The following DSCAM variants were observed in gnomAD, a reference collection of about 807,000 sequenced individuals.
The protein encoded by DSCAM is DS cell adhesion molecule, also known as cell adhesion molecule DSCAM.
Under a neutral mutation model 217.7 loss-of-function variants are expected in DSCAM, and 47 were observed. That is an observed-to-expected ratio of 0.22 (90% confidence interval 0.17 to 0.28). The LOEUF is 0.28. DSCAM is among the 10% of genes least tolerant of loss of function. The pLI, the probability that DSCAM is intolerant of heterozygous loss-of-function variation, is 1.00. For missense variants in DSCAM, 2,080 were observed against 2,618.3 expected, an observed-to-expected ratio of 0.79 and a Z score of 4.49; for synonymous variants, 1,056 against 1,015.3, an observed-to-expected ratio of 1.04 and a Z score of -0.76.
At chr21:40,476,376 G>T (rs992791092) in intron 3 of DSCAM, among the ~76,000 whole-genome samples, 1 of 152,166 alleles carries the variant, frequency 6.6e-6, no homozygotes, top group Non-Finnish European at 1.5e-5. Context: ...CCATTGAGTT[G>T]TTATAAGGCT....
intron 11 of DSCAM, among the ~76,000 whole-genome samples, chr21:40,272,174 C>T (rs1039153989): frequency 3.3e-5 from 5 of 151,844 alleles, no homozygotes; most frequent in African/African-American, 1.2e-4. Context: ...AGCCCCCGAT[C>T]GGCCTGGAGC....
intron 1 of DSCAM, among the ~76,000 whole-genome samples, chr21:40,734,901 G>A (rs1183253304): frequency 6.6e-6 from 1 of 152,202 alleles, no homozygotes; most frequent in Non-Finnish European, 1.5e-5. Context: ...GTAGACAAAC[G>A]TGAATGTGCT....
chr21:40,271,419 C>T (rs367701502), intron 11 of DSCAM, among the ~76,000 whole-genome samples: 2 of 152,166 alleles, frequency 1.3e-5, no homozygotes, highest in East Asian at 1.9e-4. Context: ...CACAGGTTCA[C>T]GCTGAAACCA....
At chr21:40,342,190 A>AAT (rs112660503) in intron 6 of DSCAM, among the ~76,000 whole-genome samples, 3,122 of 152,142 alleles carry the variant, frequency 0.021, 105 homozygotes, top group African/African-American at 0.072. Flanking sequence ...AATACAAGGA[A>AAT]ATATATATAT....
At chr21:40,192,552 G>C (rs536425607) in intron 11 of DSCAM, among the ~76,000 whole-genome samples, 1 of 152,266 alleles carries the variant, frequency 6.6e-6, no homozygotes, top group East Asian at 1.9e-4. Flanking sequence ...CTGTGACTCA[G>C]TTAAGCCTCC....
intron 3 of DSCAM, among the ~76,000 whole-genome samples, chr21:40,578,269 C>T (rs937840562): frequency 2.0e-5 from 3 of 152,136 alleles, no homozygotes; most frequent in Non-Finnish European, 4.4e-5. Context: ...AGGATGTTCA[C>T]TGTAGCAATA....
chr21:40,637,598 T>TATAC (rs1177465369), intron 3 of DSCAM, among the ~76,000 whole-genome samples: 1,314 of 49,458 alleles, frequency 0.027, 23 homozygotes, highest in Admixed American at 0.035. Flanking sequence ...TATATAAATA[T>TATAC]ATATATAAAT....
intron 8 of DSCAM, among the ~76,000 whole-genome samples, chr21:40,332,121 T>A (rs2074383558): frequency 6.6e-6 from 1 of 152,212 alleles, no homozygotes; most frequent in Non-Finnish European, 1.5e-5. Context: ...CTCCTTTTCC[T>A]CTCTCCAATT....
At position 40,377,950 on chromosome 21, in the gene DSCAM, T is replaced by C. The variant is rs974909388; in HGVS notation, c.509-8705A>G. The stretch of plus-strand genomic sequence containing the variant: ...TCATGATATTAAATAAGAACATCCA[T>C]GTAAGAACCTGACAGAGAAAAGCAC... On this transcript the variant is annotated intron_variant, in intron 3 of 32. Coordinates refer to ENST00000400454, the MANE Select transcript of DSCAM (RefSeq NM_001389.5). 3.3e-5 allele frequency among the ~76,000 whole-genome samples: 5 copies of C among 152,158 alleles called. No homozygotes were observed. In the South Asian group the frequency reaches 6.2e-4, roughly 19 times the overall value.
At position 40,122,142 on chromosome 21, in the gene DSCAM, GGAT is replaced by G. The variant is rs551887962; in HGVS notation, c.3696+2050_3696+2052del. 1.9e-4 allele frequency among the ~76,000 whole-genome samples: 29 copies of G among 152,272 alleles called. No individual in the cohort carries two copies. The East Asian group carries it at 4.6e-3, about 24-fold the overall frequency. On this transcript the variant is annotated intron_variant, in intron 20 of 32. Coordinates refer to ENST00000400454, the MANE Select transcript of DSCAM (RefSeq NM_001389.5). ...CCTGTGTGACTTTGTTTTCAGGATAGGATGTTTTTTCTTCCTTTTCTATTGTAT... is the reference window on the plus strand; with the variant it reads ...CCTGTGTGACTTTGTTTTCAGGATAGGTTTTTTCTTCCTTTTCTATTGTAT...
chr21:40,145,781 G>T (rs751880393), intron 16 of DSCAM, among the ~76,000 whole-genome samples: 3 of 152,034 alleles, frequency 2.0e-5, no homozygotes, highest in Admixed American at 6.6e-5. Context: ...GGAGGCGGAG[G>T]TTGCAGTGAG....
chr21:40,288,006 C>T (rs540875063), intron 10 of DSCAM, among the ~76,000 whole-genome samples: 2 of 152,288 alleles, frequency 1.3e-5, no homozygotes, highest in South Asian at 4.1e-4. Context: ...TAGAGTCACA[C>T]ACCATTGCAG....
Position 40,731,728 on chromosome 21 carries a change from A to ACC in DSCAM, c.44-22959_44-22958dup, listed in dbSNP as rs148482159. Among the ~76,000 whole-genome samples, 318 of 79,702 alleles carry ACC rather than the reference A, an allele frequency of 4.0e-3. 8 individuals carry two copies. Among genetic ancestry groups the ACC allele is most frequent in the Non-Finnish European group, 4.7e-3 (183 of 38,662 alleles). The allele number at this position is 79,702 out of a possible 152,430, so 52.3% of individuals were successfully genotyped here. A position where few individuals can be genotyped will look rare whatever the true frequency, so the allele number is the denominator to read the frequency against. ...AACTTAATTACCTCCTTCCCACTGC[A>ACC]CCCCCCCCCCCGCCCCCCGGGTGAG... On this transcript the variant is annotated intron_variant, in intron 1 of 32. Coordinates refer to ENST00000400454, the MANE Select transcript of DSCAM (RefSeq NM_001389.5).
chr21:40,735,636 ATAGGG>A (rs1457164771), intron 1 of DSCAM, among the ~76,000 whole-genome samples: 2 of 152,218 alleles, frequency 1.3e-5, no homozygotes, highest in African/African-American at 4.8e-5. Context: ...CCAGCACCTT[ATAGGG>A]TAGAGATTAG....
intron 3 of DSCAM, among the ~76,000 whole-genome samples, chr21:40,597,068 T>A (rs1025347270): frequency 1.1e-4 from 17 of 152,248 alleles, no homozygotes; most frequent in African/African-American, 3.1e-4. Flanking sequence ...TTTTTGCTAG[T>A]TAATTTTACC....
chr21:40,229,662 G>T (rs2091363677), intron 11 of DSCAM, among the ~76,000 whole-genome samples: 2 of 152,148 alleles, frequency 1.3e-5, no homozygotes, highest in African/African-American at 4.8e-5. Flanking sequence ...AATTTTAGTG[G>T]TTTGACTCAT....
At chr21:40,121,227 A>G (rs539166893) in intron 20 of DSCAM, among the ~76,000 whole-genome samples, 14 of 152,354 alleles carry the variant, frequency 9.2e-5, no homozygotes, top group Admixed American at 2.6e-4. Context: ...GCAGAAACTG[A>G]TGAAAACAAA....
chr21:40,245,697 G>A (rs1176142802), intron 11 of DSCAM, among the ~76,000 whole-genome samples: 1 of 152,222 alleles, frequency 6.6e-6, no homozygotes, highest in Non-Finnish European at 1.5e-5. Flanking sequence ...ATGAGGAAGA[G>A]ATTGTGTGTG....
chr21:40,605,664 C>G (rs1389796243), intron 3 of DSCAM, among the ~76,000 whole-genome samples: 1 of 152,156 alleles, frequency 6.6e-6, no homozygotes, highest in Non-Finnish European at 1.5e-5. Flanking sequence ...TTTTGCTGAT[C>G]CCTGCTCTAT....
Sources: allele counts gnomAD v4.1 joint callset (sites outside exome capture counted in the v4.1 genomes callset), GRCh38; gene constraint gnomAD v4.1.1; transcripts MANE v1.5; gene names NCBI Gene and HGNC (gene_info 2026-07-23, HGNC 2026-07-21).